Variants in SSU72 observed in about 807,000 individuals in gnomAD.
SSU72 encodes the protein RNA polymerase II subunit A C-terminal domain phosphatase SSU72.
Under a neutral mutation model 22.7 loss-of-function variants are expected in SSU72, and 12 were observed. The ratio of observed to expected loss-of-function variants is 0.53; its 90% confidence interval spans 0.34 to 0.86. The LOEUF (loss-of-function observed/expected upper bound fraction) is 0.86, where lower values mean the gene tolerates loss of function less well. SSU72 is among the 40% of genes least tolerant of loss of function. The probability of loss-of-function intolerance (pLI) is 0.02; values close to 1 mark genes in which losing one functional copy is unlikely to be tolerated. For synonymous variants in SSU72, 116 were observed against 98.3 expected (o/e 1.18, Z -1.06); for missense variants, 151 against 249.8 (o/e 0.60, Z 2.67).
chr1:1,553,232 G>A (rs1414799771), intron 2 of SSU72, among the ~76,000 whole-genome samples: 3 of 152,172 alleles, frequency 2.0e-5, no homozygotes, highest in South Asian at 2.1e-4. Context: ...GCTGCCAGCC[G>A]AGAAGGGTCT....
chr1:1,547,549 A>AG (rs1367853768), intron 2 of SSU72, among the ~76,000 whole-genome samples: 1 of 152,234 alleles, frequency 6.6e-6, no homozygotes, highest in Non-Finnish European at 1.5e-5. Flanking sequence ...TGAGGACCTG[A>AG]GGAGGACCAA....
chr1:1,553,619 CA>C (rs59261076), intron 2 of SSU72, among the ~76,000 whole-genome samples: 176 of 100,804 alleles, frequency 1.7e-3, no homozygotes, highest in Non-Finnish European at 2.6e-3. Flanking sequence ...ACTAAAAATA[CA>C]AAAAAAAAAA....
intron 2 of SSU72, chr1:1,564,562 G>A: frequency 6.3e-7 from 1 of 1,580,468 alleles, no homozygotes; most frequent in East Asian, 2.3e-5. Flanking sequence ...CCGTGTCTGT[G>A]CGCCTCACCA....
rs1308824752 is a variant in SSU72, at chr1:1,554,068, C to T, written c.225-9066G>A. ...GAGACCACGTGTCAGTGGCCAGGGCCTCTAAAGAGAAACGAGGAGGAAGTG... is the reference window on the plus strand; with the variant it reads ...GAGACCACGTGTCAGTGGCCAGGGCTTCTAAAGAGAAACGAGGAGGAAGTG... On this transcript the variant is annotated intron_variant, in intron 2 of 4. Coordinates refer to ENST00000291386, the MANE Select transcript of SSU72 (RefSeq NM_014188.3). This position sits in a 1 kb window ranked among gnomAD's most constrained non-coding sequence, Gnocchi z 4.1. Among the ~76,000 whole-genome samples, 2 of 152,188 alleles carry T rather than the reference C, an allele frequency of 1.3e-5. No individual in the cohort carries two copies. The highest frequency in any genetic ancestry group is 2.9e-5 in the Non-Finnish European group (2 of 68,038).
intron 2 of SSU72, among the ~76,000 whole-genome samples, chr1:1,547,398 AT>A (rs1417786456): frequency 3.3e-5 from 5 of 152,256 alleles, no homozygotes; most frequent in African/African-American, 1.2e-4. Flanking sequence ...TTAAGGAGAA[AT>A]GTCTACTTCA....
intron 2 of SSU72, among the ~76,000 whole-genome samples, chr1:1,558,608 C>T (rs1016583544): frequency 6.6e-6 from 1 of 152,184 alleles, no homozygotes; most frequent in Non-Finnish European, 1.5e-5. Context: ...TTTTGCAGTT[C>T]ATAACACAAA....
chr1:1,549,115 T>A (rs945566522), intron 2 of SSU72, among the ~76,000 whole-genome samples: 1 of 152,038 alleles, frequency 6.6e-6, no homozygotes, highest in Non-Finnish European at 1.5e-5. Flanking sequence ...GAAAGTGTCA[T>A]CAACACAGAA....
chr1:1,558,282 C>T (rs1485003168), intron 2 of SSU72, among the ~76,000 whole-genome samples: 2 of 151,864 alleles, frequency 1.3e-5, no homozygotes, highest in African/African-American at 4.8e-5. Flanking sequence ...CAGGATCACC[C>T]ACCTGAGTCT....
chr1:1,574,644 G>C lies in SSU72; in HGVS notation c.-87C>G, dbSNP rs565322231. On this transcript the variant is annotated 5_prime_UTR_variant, in exon 1 of 5. Transcript: ENST00000291386. ...GCGCGAACAAAATGGCGGCCGCGGT[G>C]GCCGGAAGCGGGCGACGCGAAACGA... 5.7e-5 allele frequency: 74 copies of C among 1,308,982 alleles called. No individual in the cohort carries two copies. The African/African-American group carries it at 1.6e-3, about 28-fold the overall frequency. 81.1% of individuals were successfully genotyped at this position (1,308,982 alleles called of 1,614,324 possible).
chr1:1,558,318 T>C (rs1642545221), intron 2 of SSU72, among the ~76,000 whole-genome samples: 1 of 151,830 alleles, frequency 6.6e-6, no homozygotes, highest in Admixed American at 6.6e-5. Context: ...CAGTGAGCTG[T>C]GACAGCACCA....
rs151036597 is a variant in SSU72 at position 1,546,784 on chromosome 1, A to G, written c.225-1782T>C. ...CTTCAACCCGGGCGGCGGAGGTTGC[A>G]GTGAGCCGAGATCACACCACGGCAC... is the stretch of plus-strand genomic sequence containing the variant. On this transcript the variant is annotated intron_variant, in intron 2 of 4. Coordinates refer to ENST00000291386, the MANE Select transcript of SSU72 (RefSeq NM_014188.3). Among the ~76,000 whole-genome samples, 1,334 of 146,894 alleles carry G rather than the reference A, an allele frequency of 9.1e-3. 10 individuals are homozygous for G. Among genetic ancestry groups the G allele is most frequent in the Non-Finnish European group, 0.014 (903 of 66,874 alleles).
At chr1:1,557,903 T>A (rs898260430) in intron 2 of SSU72, among the ~76,000 whole-genome samples, 4 of 152,072 alleles carry the variant, frequency 2.6e-5, no homozygotes, top group African/African-American at 9.7e-5. Context: ...AGGACGGACA[T>A]GAACAAATGT....
intron 2 of SSU72, among the ~76,000 whole-genome samples, chr1:1,550,194 A>G (rs1420975514): frequency 6.8e-6 from 1 of 147,716 alleles, no homozygotes; most frequent in Non-Finnish European, 1.5e-5. Context: ...AAAAAAAAGT[A>G]TATATATATA....
At chr1:1,568,093 C>CA (rs1013436650) in intron 1 of SSU72, among the ~76,000 whole-genome samples, 2 of 152,022 alleles carry the variant, frequency 1.3e-5, no homozygotes, top group Non-Finnish European at 2.9e-5. Flanking sequence ...TCACGAATGG[C>CA]AAAAAGGCTA....
At chr1:1,569,361 G>C (rs968234757) in intron 1 of SSU72, among the ~76,000 whole-genome samples, 1 of 152,104 alleles carries the variant, frequency 6.6e-6, no homozygotes, top group Admixed American at 6.6e-5. Context: ...CAGGACTCTG[G>C]TATTTGAAAC....
rs1642332447 is a variant in SSU72 at position 1,542,331 on chromosome 1, C to G, written c.484-164G>C. Among the ~76,000 whole-genome samples, 1 of 152,188 alleles carries G rather than the reference C, an allele frequency of 6.6e-6. No individual in the cohort carries two copies. Among genetic ancestry groups the G allele is most frequent in the Non-Finnish European group, 1.5e-5 (1 of 68,032 alleles). ...GCCTCACAAGGACGGCCGGAGGCTGCAGGGGGAGAGCGTCCCGGGCAGCCC... is the reference window on the plus strand; with the variant it reads ...GCCTCACAAGGACGGCCGGAGGCTGGAGGGGGAGAGCGTCCCGGGCAGCCC... On this transcript the variant is annotated intron_variant, in intron 4 of 4. Transcript: ENST00000291386. This position sits in a 1 kb window ranked among gnomAD's most constrained non-coding sequence, Gnocchi z 4.4.
chr1:1,541,879 G>C lies in SSU72; in HGVS notation c.*187C>G, dbSNP rs1257605525. The stretch of plus-strand genomic sequence containing the variant: ...ATCAATATCCTGCTCATAAGTAAAA[G>C]TGGAAAAGAAGAAACTTGATTGCTT... On this transcript the variant is annotated 3_prime_UTR_variant, in exon 5 of 5. Coordinates refer to ENST00000291386, the MANE Select transcript of SSU72 (RefSeq NM_014188.3). The C allele has an allele frequency of 2.4e-4, 140 of 588,076 alleles. No homozygotes were observed. Among genetic ancestry groups the C allele is most frequent in the Admixed American group, 3.1e-5 (1 of 32,660 alleles). The allele number at this position is 588,076 out of a possible 1,614,324, so 36.4% of individuals were successfully genotyped here. A position where few individuals can be genotyped will look rare whatever the true frequency, so the allele number is the denominator to read the frequency against.
rs529298957 is a variant in SSU72 at position 1,542,273 on chromosome 1, G to A, written c.484-106C>T. 51 of 1,099,502 alleles carry A rather than the reference G, an allele frequency of 4.6e-5. No individual in the cohort carries two copies. The highest frequency in any genetic ancestry group is 1.3e-6 in the Non-Finnish European group (1 of 753,516). 68.1% of individuals were successfully genotyped at this position (1,099,502 alleles called of 1,614,324 possible). The stretch of plus-strand genomic sequence containing the variant: ...GCCAGGCCTGAGCCAGCAGAAACCA[G>A]CGCAGCAGGCAGGCCCTCACCCCAC... On this transcript the variant is annotated intron_variant, in intron 4 of 4. Coordinates refer to ENST00000291386, the MANE Select transcript of SSU72 (RefSeq NM_014188.3). This position sits in a 1 kb window ranked among gnomAD's most constrained non-coding sequence, Gnocchi z 4.4.
intron 2 of SSU72, among the ~76,000 whole-genome samples, chr1:1,558,676 T>C (rs1228614609): frequency 6.6e-6 from 1 of 152,250 alleles, no homozygotes; most frequent in African/African-American, 2.4e-5. Context: ...TGTAGGATCC[T>C]GTGAGACTCC....
Sources: gnomAD v4.1 joint callset for allele counts (sites outside exome capture counted in the v4.1 genomes callset) on GRCh38, gnomAD v4.1.1 for gene constraint, Gnocchi (gnomAD v3.1) non-coding constraint, MANE v1.5 for transcripts, NCBI Gene and HGNC (gene_info 2026-07-23, HGNC 2026-07-21) for gene names.